Variants in MAP7 observed in about 807,000 individuals in gnomAD.
The protein encoded by MAP7 is microtubule associated protein 7, also known as ensconsin.
MAP7 carries 52 observed loss-of-function variants against 94.8 expected under a neutral mutation model. That is an observed-to-expected ratio of 0.55 (90% CI 0.44 to 0.69). The LOEUF is 0.69. Among genes scored for constraint, MAP7 ranks in the 30% least tolerant of loss-of-function variants. The pLI is 0.00. For synonymous variants in MAP7, 350 were observed against 357.0 expected, an observed-to-expected ratio of 0.98 and a Z score of 0.22; for missense variants, 940 against 964.6, an observed-to-expected ratio of 0.97 and a Z score of 0.34.
chr6:136,491,975 G>A (rs993703964), intron 1 of MAP7, among the ~76,000 whole-genome samples: 5 of 152,272 alleles, frequency 3.3e-5, no homozygotes, highest in African/African-American at 7.2e-5. Context: ...TGGGGAGAGC[G>A]GGGGGAAATA....
At chr6:136,473,743 CT>C (rs1809867129) in intron 1 of MAP7, among the ~76,000 whole-genome samples, 1 of 152,124 alleles carries the variant, frequency 6.6e-6, no homozygotes, top group African/African-American at 2.4e-5. Flanking sequence ...ATTGCTAAAT[CT>C]TTGGTTACGA....
chr6:136,471,457 AC>A (rs1438741167), intron 1 of MAP7, among the ~76,000 whole-genome samples: 23 of 152,280 alleles, frequency 1.5e-4, no homozygotes, highest in Admixed American at 1.4e-3. Context: ...CTCGGGTTTT[AC>A]TTTCCTTTTC....
At chr6:136,548,107 A>AC (rs752693571) in intron 1 of MAP7, among the ~76,000 whole-genome samples, 17 of 12,596 alleles carry the variant, frequency 1.3e-3, no homozygotes, top group East Asian at 2.5e-3. Flanking sequence ...ACCCCCCCCC[A>AC]CCCCCCCAAC....
At chr6:136,404,275 C>A (rs1784973353) in intron 3 of MAP7, among the ~76,000 whole-genome samples, 1 of 151,922 alleles carries the variant, frequency 6.6e-6, no homozygotes, top group Non-Finnish European at 1.5e-5. Context: ...CTTGACCACA[C>A]TCTTATTAGT....
chr6:136,466,715 G>C, intron 1 of MAP7: 1 of 1,518,802 alleles, frequency 6.6e-7, no homozygotes, highest in Admixed American at 2.0e-5. Flanking sequence ...ATTCTTGAAC[G>C]TCCTTATTAA....
intron 1 of MAP7, among the ~76,000 whole-genome samples, chr6:136,435,762 G>T (rs905446016): frequency 3.2e-4 from 48 of 152,166 alleles, no homozygotes; most frequent in African/African-American, 1.1e-3. Flanking sequence ...TGAGGACAGG[G>T]TAGGGAGAAA....
rs746450533 is a variant in MAP7, at chr6:136,510,874, G to A, written c.67+39468C>T. 4.6e-5 allele frequency among the ~76,000 whole-genome samples: 7 copies of A among 151,970 alleles called. 1 individual carries two copies. Among genetic ancestry groups the A allele is most frequent in the Non-Finnish European group, 1.0e-4 (7 of 68,014 alleles). ...GACTGAGGCTCCTAGAAGGACAAGC[G>A]GAAGACTACTGCGTATGGAAACATC... On this transcript the variant is annotated intron_variant, in intron 1 of 17. Transcript: ENST00000354570.
In MAP7 at chr6:136,488,861, C is replaced by T. The variant is rs74893913; in HGVS notation, c.67+61481G>A. 0.012 allele frequency among the ~76,000 whole-genome samples: 1,892 copies of T among 152,212 alleles called. 84 individuals carry two copies. The East Asian group carries it at 0.14, about 11-fold the overall frequency. On this transcript the variant is annotated intron_variant, in intron 1 of 17. Coordinates refer to ENST00000354570, the MANE Select transcript of MAP7 (RefSeq NM_003980.6). ...AAATTTTAGGCATAATCTCAATCCC[C>T]AAACAGACAATGCTTACCCTCACCA...
At chr6:136,348,870 C>T (rs958497661) in intron 16 of MAP7, among the ~76,000 whole-genome samples, 2 of 152,070 alleles carry the variant, frequency 1.3e-5, no homozygotes, top group African/African-American at 2.4e-5. Flanking sequence ...AAAAGACGAA[C>T]ATTCTACGAA....
At chr6:136,495,485 T>C (rs1026043452) in intron 1 of MAP7, among the ~76,000 whole-genome samples, 54 of 147,812 alleles carry the variant, frequency 3.7e-4, no homozygotes, top group Admixed American at 7.6e-4. Context: ...CACACACACA[T>C]AAACACACAC....
At chr6:136,402,796 C>A (rs78464011) in intron 3 of MAP7, among the ~76,000 whole-genome samples, 57 of 143,370 alleles carry the variant, frequency 4.0e-4, no homozygotes, top group African/African-American at 7.9e-4. Context: ...GTCCCAGCTA[C>A]TCGGGAGGCT....
At chr6:136,526,392 TG>T in intron 1 of MAP7, 5 of 989,860 alleles carry the variant, frequency 5.1e-6, no homozygotes, top group Non-Finnish European at 6.0e-6. Flanking sequence ...TTCTTCCTGC[TG>T]CAGCACCTTT....
At chr6:136,394,131 G>A (rs903156581) in intron 3 of MAP7, among the ~76,000 whole-genome samples, 2 of 151,676 alleles carry the variant, frequency 1.3e-5, no homozygotes, top group Admixed American at 6.6e-5. Context: ...CTACAGGCGC[G>A]TGCCACCATA....
At chr6:136,359,949 C>G in intron 14 of MAP7, 32 bp downstream of exon 14, 1 of 1,610,610 alleles carries the variant, frequency 6.2e-7, no homozygotes, top group South Asian at 1.1e-5. Context: ...TAAAAGCATA[C>G]AAAAGTAGTT....
intron 2 of MAP7, among the ~76,000 whole-genome samples, chr6:136,418,564 A>G (rs1790267043): frequency 1.3e-5 from 2 of 152,218 alleles, no homozygotes; most frequent in Non-Finnish European, 2.9e-5. Context: ...ATGTGGATAA[A>G]TGTGTTCTAC....
At chr6:136,499,229 T>A (rs1819165884) in intron 1 of MAP7, among the ~76,000 whole-genome samples, 1 of 152,098 alleles carries the variant, frequency 6.6e-6, no homozygotes, top group Non-Finnish European at 1.5e-5. Context: ...CTGAGATTTC[T>A]TAGCTCTGGC....
At chr6:136,517,073 A>G (rs569017334) in intron 1 of MAP7, among the ~76,000 whole-genome samples, 6 of 152,304 alleles carry the variant, frequency 3.9e-5, no homozygotes, top group African/African-American at 1.4e-4. Flanking sequence ...CATTAATCCC[A>G]AGGAATAACA....
chr6:136,489,653 G>A (rs1815947956), intron 1 of MAP7, among the ~76,000 whole-genome samples: 1 of 149,954 alleles, frequency 6.7e-6, no homozygotes, highest in Admixed American at 6.8e-5. Context: ...TCAGCCTCCT[G>A]AGTAGCTGGG....
chr6:136,420,371 T>C, intron 2 of MAP7: 1 of 597,980 alleles, frequency 1.7e-6, no homozygotes, highest in East Asian at 2.8e-5. Context: ...GGCCATAACC[T>C]CAGTGCAGCA....
Sources: allele counts gnomAD v4.1 joint callset (sites outside exome capture counted in the v4.1 genomes callset), GRCh38; gene constraint gnomAD v4.1.1; transcripts MANE v1.5; gene names NCBI Gene and HGNC (gene_info 2026-07-23, HGNC 2026-07-21).